Variants in ZGLP1 observed in about 807,000 individuals in gnomAD.
The protein encoded by ZGLP1 is zinc finger GATA like protein 1, also known as GATA-type zinc finger protein 1.
A neutral mutation model predicts 21.4 loss-of-function variants in ZGLP1; 11 were observed. That is an observed-to-expected ratio of 0.51 (90% CI 0.32 to 0.85). The LOEUF (loss-of-function observed/expected upper bound fraction) is 0.85, where lower values mean the gene tolerates loss of function less well. Among genes scored for constraint, ZGLP1 ranks in the 40% least tolerant of loss-of-function variants. The pLI, the probability that ZGLP1 is intolerant of heterozygous loss-of-function variation, is 0.03. For missense variants in ZGLP1, 295 were observed against 355.6 expected (o/e 0.83, Z 1.37); for synonymous variants, 148 against 145.0 (o/e 1.02, Z -0.15).
At chr19:10,308,862 C>A in exon 1 of ZGLP1, 1 of 465,280 alleles carries the variant, frequency 2.1e-6, no homozygotes, top group Non-Finnish European at 3.6e-6. Context: ...GCTGCAGGAT[C>A]GAGAAAAAGG....
intron 1 of ZGLP1, among the ~76,000 whole-genome samples, chr19:10,306,302 G>A (rs946474147): frequency 6.6e-6 from 1 of 151,754 alleles, no homozygotes; most frequent in Admixed American, 6.6e-5. Context: ...TAGTACAGAC[G>A]GGGTTTCACC....
Position 10,305,357 on chromosome 19 carries a change from C to G in ZGLP1, c.698+33G>C. 1.3e-6 allele frequency: 2 copies of G among 1,561,566 alleles called. No individual in the cohort carries two copies. Among genetic ancestry groups the G allele is most frequent in the Non-Finnish European group, 1.7e-6 (2 of 1,149,580 alleles). On this transcript the variant is annotated intron_variant, in intron 3 of 3. Coordinates refer to ENST00000403903, the Ensembl canonical transcript of ZGLP1. This position sits in a 1 kb window ranked among gnomAD's most constrained non-coding sequence, Gnocchi z 4.7. Reference sequence around the variant, plus strand: ...GTTACACGTGGACTGATTTGGGGACCCCCGCCCCAACTCCCTCCTCCATTC... The same window carrying G: ...GTTACACGTGGACTGATTTGGGGACGCCCGCCCCAACTCCCTCCTCCATTC...
chr19:10,308,421 C>T (rs2040291910), exon 1 of ZGLP1: 1 of 1,609,090 alleles, frequency 6.2e-7, no homozygotes, highest in Non-Finnish European at 8.5e-7. Context: ...CCTGAGTCCC[C>T]AGAGCCATCG....
At position 10,305,606 on chromosome 19, in the gene ZGLP1, C is replaced by T; in HGVS notation, c.605-123G>A. ...GGCCCCACCTAGCTCTGGATCAGCCCTGGGAGTTGCCAGCTCTAAGCCACA... is the reference window on the plus strand; with the variant it reads ...GGCCCCACCTAGCTCTGGATCAGCCTTGGGAGTTGCCAGCTCTAAGCCACA... On this transcript the variant is annotated intron_variant, in intron 2 of 3. Coordinates refer to ENST00000403903, the Ensembl canonical transcript of ZGLP1. This position sits in a 1 kb window ranked among gnomAD's most constrained non-coding sequence, Gnocchi z 4.7. 1 of 883,720 alleles carries T rather than the reference C, an allele frequency of 1.1e-6. No homozygotes were observed. Among genetic ancestry groups the T allele is most frequent in the South Asian group, 1.5e-5 (1 of 64,880 alleles). The allele number at this position is 883,720 out of a possible 1,614,324, so 54.7% of individuals were successfully genotyped here. A position where few individuals can be genotyped will look rare whatever the true frequency, so the allele number is the denominator to read the frequency against.
At chr19:10,308,779 A>C (rs1599289091) in exon 1 of ZGLP1, 4 of 1,182,172 alleles carry the variant, frequency 3.4e-6, no homozygotes, top group Admixed American at 3.2e-5. Context: ...ACATCAATCA[A>C]CCCCTTACGG....
exon 1 of ZGLP1, chr19:10,308,352 G>A (rs1034825851): frequency 1.2e-6 from 2 of 1,607,704 alleles, no homozygotes; most frequent in Non-Finnish European, 1.7e-6. Context: ...GCAGACGGCG[G>A]CCCTTTTGGC....
exon 1 of ZGLP1, chr19:10,308,731 T>C (rs1380883068): frequency 7.0e-7 from 1 of 1,421,504 alleles, no homozygotes; most frequent in East Asian, 2.4e-5. Flanking sequence ...GCAACTCACC[T>C]CGCCCACTGT....
At chr19:10,307,346 C>CTTTTT (rs543276157) in intron 1 of ZGLP1, among the ~76,000 whole-genome samples, 1 of 122,986 alleles carries the variant, frequency 8.1e-6, no homozygotes, top group East Asian at 2.4e-4. Context: ...CTTCCCAAAG[C>CTTTTT]TTTTTTTTTT....
intron 1 of ZGLP1, among the ~76,000 whole-genome samples, chr19:10,306,317 T>G (rs1321267136): frequency 1.3e-5 from 2 of 152,000 alleles, no homozygotes; most frequent in African/African-American, 4.8e-5. Context: ...TTCACCATGT[T>G]GGCCAGGCTG....
exon 1 of ZGLP1, chr19:10,309,530 C>G (rs1165787897): frequency 1.3e-5 from 2 of 152,752 alleles, no homozygotes; most frequent in Non-Finnish European, 2.9e-5. Context: ...CGGCCCTGTC[C>G]CGCTGGGCCC....
chr19:10,308,881 T>A, exon 1 of ZGLP1: 1 of 427,612 alleles, frequency 2.3e-6, no homozygotes. Context: ...GGTTACTTTT[T>A]TTCTTTGTGT....
At chr19:10,309,777 C>G (rs2040304470) in exon 1 of ZGLP1, 1 of 152,286 alleles carries the variant, frequency 6.6e-6, no homozygotes, top group Non-Finnish European at 1.5e-5. Context: ...GAAATGGGGG[C>G]TCCCAGGCCT....
rs1281315663 is a variant in ZGLP1 at position 10,305,505 on chromosome 19, G to A, written c.605-22C>T. The A allele has an allele frequency of 3.2e-6, 5 of 1,577,362 alleles. No homozygotes were observed. The South Asian group carries it at 5.8e-5, about 18-fold the overall frequency. On this transcript the variant is annotated intron_variant, in intron 2 of 3. Coordinates refer to ENST00000403903, the Ensembl canonical transcript of ZGLP1. The surrounding 1 kb of genome is among the most constrained non-coding windows in gnomAD (Gnocchi z 4.7). ...GGCTCTGAAGGGTCAGAGGTCAAAG[G>A]GCAGGGGTCAGAGGCCAAGCATGTG...
At chr19:10,308,201 T>C in exon 1 of ZGLP1, 1 of 1,540,070 alleles carries the variant, frequency 6.5e-7, no homozygotes, top group Non-Finnish European at 8.7e-7. Context: ...GTGGGGATGA[T>C]CTGCAGGCTG....
At position 10,305,979 on chromosome 19, in the gene ZGLP1, T is replaced by C. The variant is rs1568304723; in HGVS notation, c.498-27A>G. 1.3e-6 allele frequency: 2 copies of C among 1,491,340 alleles called. No homozygotes were observed. Among genetic ancestry groups the C allele is most frequent in the Non-Finnish European group, 1.8e-6 (2 of 1,095,138 alleles). 92.4% of individuals were successfully genotyped at this position (1,491,340 alleles called of 1,614,324 possible). A position where few individuals can be genotyped will look rare whatever the true frequency, so the allele number is the denominator to read the frequency against. ...TGTGGGGCAGACAAGGTATTAGCAC[T>C]GGGGGGGATCTGTAGCTTGTCCCCA... On this transcript the variant is annotated intron_variant, in intron 1 of 3. Transcript: ENST00000403903. This position sits in a 1 kb window ranked among gnomAD's most constrained non-coding sequence, Gnocchi z 4.7.
chr19:10,308,140 G>T, intron 1 of ZGLP1, 45 bp downstream of exon 2: 1 of 1,507,800 alleles, frequency 6.6e-7, no homozygotes, highest in Non-Finnish European at 8.8e-7. Context: ...TGGTGTTTGC[G>T]TTGTAACTGG....
chr19:10,308,742 G>T (rs2040294951), exon 1 of ZGLP1: 3 of 1,398,844 alleles, frequency 2.1e-6, no homozygotes, highest in South Asian at 3.8e-5. Flanking sequence ...CGCCCACTGT[G>T]GGCCTCCCAG....
exon 1 of ZGLP1, chr19:10,308,507 A>C (rs746060294): frequency 6.2e-7 from 1 of 1,609,888 alleles, no homozygotes; most frequent in East Asian, 2.2e-5. Context: ...TCTTGGAGGA[A>C]GCACAGGGCG....
At chr19:10,308,095 A>G in intron 1 of ZGLP1, 90 bp downstream of exon 2, 1 of 1,478,936 alleles carries the variant, frequency 6.8e-7, no homozygotes, top group Non-Finnish European at 9.0e-7. Context: ...GTGAGGGTCC[A>G]CACCGACGCC....
Sources: allele counts gnomAD v4.1 joint callset (sites outside exome capture counted in the v4.1 genomes callset), GRCh38; gene constraint gnomAD v4.1.1; non-coding constraint Gnocchi (gnomAD v3.1); transcripts MANE v1.5; gene names NCBI Gene and HGNC (gene_info 2026-07-23, HGNC 2026-07-21).